The following MSI2 variants were observed in gnomAD, a reference collection of about 807,000 sequenced individuals.
MSI2 encodes the protein musashi RNA binding protein 2, also known as RNA-binding protein Musashi homolog 2.
A neutral mutation model predicts 45.6 loss-of-function variants in MSI2; 17 were observed. The ratio of observed to expected loss-of-function variants is 0.37; its 90% CI spans 0.26 to 0.56. The LOEUF (loss-of-function observed/expected upper bound fraction) is 0.56, where lower values mean the gene tolerates loss of function less well. Ranked by LOEUF, MSI2 falls within the 20% of genes least tolerant of loss-of-function variation. The pLI is 0.77. For missense variants in MSI2, 293 were observed against 444.2 expected (o/e 0.66, Z 3.06); for synonymous variants, 156 against 158.2 (o/e 0.99, Z 0.11).
In MSI2 at chr17:57,337,968, C is replaced by T. The variant is rs150119702; in HGVS notation, c.313-63411C>T. Among the ~76,000 whole-genome samples the T allele has an allele frequency of 7.7e-3, 1,177 of 152,252 alleles. 12 individuals are homozygous for T. The highest frequency in any genetic ancestry group is 0.031 in the South Asian group (150 of 4,830). ...ACTTAGTAATAATTTTCACGTGTTA[C>T]TAGATGGTTGTAAAAACATGATTTT... On this transcript the variant is annotated intron_variant, in intron 5 of 13. Transcript: ENST00000284073.
intron 7 of MSI2, among the ~76,000 whole-genome samples, chr17:57,559,992 G>C (rs549496973): frequency 7.9e-5 from 12 of 152,250 alleles, no homozygotes; most frequent in Non-Finnish European, 1.5e-4. Context: ...AGGATGCTGC[G>C]GGTTTTCTGA....
At position 57,596,940 on chromosome 17, in the gene MSI2, A is replaced by G. The variant is rs761315422; in HGVS notation, c.527A>G (p.Asn176Ser). 2.9e-5 allele frequency: 46 copies of G among 1,610,786 alleles called. No homozygotes were observed. The highest frequency in any genetic ancestry group is 3.7e-5 in the Non-Finnish European group (44 of 1,177,052). ...TGTGAGATTCATTTCCATGAAATCA[A>G]TAATAAAATGGTAAGTGTGTAGGGG... ...KVCEIHFHEINNKMVECKKAQ... is the reference protein window; with the variant it reads ...KVCEIHFHEISNKMVECKKAQ... Residue 176 changes from asparagine (N) to serine (S), a missense_variant, in exon 8 of 14, where the codon AAT becomes AGT. Coordinates refer to ENST00000284073, the MANE Select transcript of MSI2 (RefSeq NM_138962.4). The surrounding 1 kb of genome is among the most constrained non-coding windows in gnomAD (Gnocchi z 4.6).
rs540724336 is a variant in MSI2, at chr17:57,561,716, G to A, written c.454+31992G>A. ...GCCAGGTGCTCCAAGAAATGGTAGCGTGTGCCCAAGAGCAGTCTCTGCCGC... is the reference window on the plus strand; with the variant it reads ...GCCAGGTGCTCCAAGAAATGGTAGCATGTGCCCAAGAGCAGTCTCTGCCGC... On this transcript the variant is annotated intron_variant, in intron 7 of 13. Coordinates refer to ENST00000284073, the MANE Select transcript of MSI2 (RefSeq NM_138962.4). Among the ~76,000 whole-genome samples the A allele has an allele frequency of 4.6e-5, 7 of 152,310 alleles. No homozygotes were observed. In the East Asian group the frequency reaches 9.7e-4, roughly 21 times the overall value.
chr17:57,583,488 C>CTTTTTTTTTTTTTTT (rs5821192), intron 7 of MSI2, among the ~76,000 whole-genome samples: 13 of 98,020 alleles, frequency 1.3e-4, no homozygotes, highest in African/African-American at 2.7e-4. Flanking sequence ...CCCAATGTTT[C>CTTTTTTTTTTTTTTT]TTTTTTTTTT....
At chr17:57,675,851 G>T (rs928255422) in intron 12 of MSI2, among the ~76,000 whole-genome samples, 26 of 152,202 alleles carry the variant, frequency 1.7e-4, no homozygotes, top group African/African-American at 6.0e-4. Context: ...GACTAATCCA[G>T]GCAATGGAAA....
At chr17:57,645,441 GT>G (rs556203302) in intron 10 of MSI2, among the ~76,000 whole-genome samples, 17 of 148,974 alleles carry the variant, frequency 1.1e-4, no homozygotes, top group East Asian at 5.9e-4. Flanking sequence ...TTGTTTTTTG[GT>G]TTTTTTTTTT....
intron 6 of MSI2, among the ~76,000 whole-genome samples, chr17:57,525,619 CA>C (rs1206221565): frequency 6.6e-5 from 10 of 152,150 alleles, no homozygotes; most frequent in Admixed American, 3.9e-4. Flanking sequence ...AAAGATACAC[CA>C]CTAAAGATGT....
At chr17:57,692,087 T>C in the MSI2 span, among the ~76,000 whole-genome samples, 272 of 152,334 alleles carry the variant, frequency 1.8e-3, 1 homozygote, top group African/African-American at 6.2e-3. Context: ...TGTCAAATGT[T>C]CTTTGCATAT....
At chr17:57,408,584 TG>T (rs1428372400) in intron 6 of MSI2, among the ~76,000 whole-genome samples, 1 of 142,176 alleles carries the variant, frequency 7.0e-6, no homozygotes, top group Non-Finnish European at 1.5e-5. Flanking sequence ...TAATGAGCCC[TG>T]GGTGGGTAGG....
At chr17:57,475,628 G>C (rs958064719) in intron 6 of MSI2, among the ~76,000 whole-genome samples, 3 of 151,944 alleles carry the variant, frequency 2.0e-5, no homozygotes, top group Admixed American at 1.3e-4. Flanking sequence ...TGCTCTTCTA[G>C]TTTCAATTAA....
chr17:57,598,322 C>G (rs1331124041), intron 8 of MSI2, among the ~76,000 whole-genome samples: 1 of 152,194 alleles, frequency 6.6e-6, no homozygotes, highest in Non-Finnish European at 1.5e-5. Flanking sequence ...TATGTGTTCA[C>G]CAACTTTAAA....
At chr17:57,431,230 CCT>C (rs1725983456) in intron 6 of MSI2, among the ~76,000 whole-genome samples, 2 of 152,138 alleles carry the variant, frequency 1.3e-5, no homozygotes, top group Non-Finnish European at 2.9e-5. Flanking sequence ...AGGCATCGGC[CCT>C]CTCTCCTCCC....
At chr17:57,510,751 C>T (rs952408400) in intron 6 of MSI2, among the ~76,000 whole-genome samples, 1 of 152,166 alleles carries the variant, frequency 6.6e-6, no homozygotes, top group Non-Finnish European at 1.5e-5. Context: ...AAAAGCCATG[C>T]GAGTTCTAAA....
At chr17:57,257,432 T>G in intron 2 of MSI2, 34 bp from the exon 3 acceptor site, 1 of 1,033,976 alleles carries the variant, frequency 9.7e-7, no homozygotes, top group Non-Finnish European at 1.4e-6. Flanking sequence ...ACACCTTCTC[T>G]CCCCCCCCCA....
In MSI2 at chr17:57,683,103, C is replaced by G. The variant is rs1913714890; in HGVS notation, c.*3586C>G. On this transcript the variant is annotated 3_prime_UTR_variant, in exon 14 of 14. Coordinates refer to ENST00000284073, the MANE Select transcript of MSI2 (RefSeq NM_138962.4). The surrounding 1 kb of genome is among the most constrained non-coding windows in gnomAD (Gnocchi z 5.2). ...AGCAGGCCTTTGCGTTTTTATCCTT[C>G]ATAACCTTCATCTTAATTTGAACTT... is the stretch of plus-strand genomic sequence containing the variant. The G allele has an allele frequency of 8.7e-6, 2 of 229,912 alleles. No homozygotes were observed. The allele number at this position is 229,912 out of a possible 1,614,324, so 14.2% of individuals were successfully genotyped here.
At chr17:57,417,046 G>C (rs941877994) in intron 6 of MSI2, among the ~76,000 whole-genome samples, 2 of 152,196 alleles carry the variant, frequency 1.3e-5, no homozygotes, top group Non-Finnish European at 1.5e-5. Context: ...GAGCCTGCCA[G>C]TGTCACTGCG....
rs530090370 is a variant in MSI2, at chr17:57,467,268, C to A, written c.406-62408C>A. Among the ~76,000 whole-genome samples, 100 of 152,316 alleles carry A rather than the reference C, an allele frequency of 6.6e-4. 1 individual carries two copies. Among genetic ancestry groups the A allele is most frequent in the African/African-American group, 2.4e-3 (99 of 41,558 alleles). On this transcript the variant is annotated intron_variant, in intron 6 of 13. Coordinates refer to ENST00000284073, the MANE Select transcript of MSI2 (RefSeq NM_138962.4). ...AGCAGTCCTGAGGCCAGGAGTCTGGCTGGCCATGTAGAGATGATTGTACCT... is the reference window on the plus strand; with the variant it reads ...AGCAGTCCTGAGGCCAGGAGTCTGGATGGCCATGTAGAGATGATTGTACCT...
At chr17:57,608,863 C>G (rs1906938095) in intron 8 of MSI2, among the ~76,000 whole-genome samples, 1 of 152,186 alleles carries the variant, frequency 6.6e-6, no homozygotes, top group Non-Finnish European at 1.5e-5. Context: ...CTGCAAGAGC[C>G]TTACAAAATG....
At chr17:57,581,786 T>C (rs2144370380) in intron 7 of MSI2, among the ~76,000 whole-genome samples, 1 of 152,344 alleles carries the variant, frequency 6.6e-6, no homozygotes, top group South Asian at 2.1e-4. Flanking sequence ...TAATCCTACT[T>C]TCTGTTAATT....
Sources: gnomAD v4.1 joint callset for allele counts (sites outside exome capture counted in the v4.1 genomes callset) on GRCh38, gnomAD v4.1.1 for gene constraint, Gnocchi (gnomAD v3.1) non-coding constraint, MANE v1.5 for transcripts, NCBI Gene and HGNC (gene_info 2026-07-23, HGNC 2026-07-21) for gene names.